The following KIAA0513 variants were observed in gnomAD, a reference collection of about 807,000 sequenced individuals.
KIAA0513 encodes uncharacterized protein KIAA0513.
A neutral mutation model predicts 56.5 loss-of-function variants in KIAA0513; 39 were observed. The ratio of observed to expected loss-of-function variants is 0.69; its 90% CI spans 0.53 to 0.90. The LOEUF (loss-of-function observed/expected upper bound fraction) is 0.90. Among genes scored for constraint, KIAA0513 ranks in the 40% least tolerant of loss-of-function variants. The pLI is 0.00. For synonymous variants in KIAA0513, 268 were observed against 215.6 expected (o/e 1.24, Z -2.13); for missense variants, 591 against 535.2 (o/e 1.10, Z -1.03).
Position 85,072,884 on chromosome 16 carries a change from C to T in KIAA0513, c.430-41C>T, listed in dbSNP as rs149544061. The T allele has an allele frequency of 4.3e-4, 684 of 1,591,868 alleles. 13 individuals are homozygous for T. In the East Asian group the frequency reaches 0.014, roughly 33 times the overall value. On this transcript the variant is annotated intron_variant, in intron 3 of 12. Coordinates refer to ENST00000683363, the MANE Select transcript of KIAA0513 (RefSeq NM_001388359.1). ...CAGCTTCACTGAGTGCTGCGTGTGT[C>T]GCCCTGAACCTCAATGATGTGTCTG...
chr16:85,088,352 G>A lies in KIAA0513; in HGVS notation c.*27G>A. On this transcript the variant is annotated 3_prime_UTR_variant, in exon 13 of 13. Coordinates refer to ENST00000683363, the MANE Select transcript of KIAA0513 (RefSeq NM_001388359.1). ...CCCCAGAGGTCGCACTCCGCAGGAG[G>A]ACTGAGGCCATGTGCCATTCTCCCG... The A allele has an allele frequency of 6.2e-7, 1 of 1,601,134 alleles. No individual in the cohort carries two copies. Among genetic ancestry groups the A allele is most frequent in the Non-Finnish European group, 8.5e-7 (1 of 1,175,122 alleles).
chr16:85,055,909 C>T (rs2073322394), intron 1 of KIAA0513, among the ~76,000 whole-genome samples: 1 of 152,226 alleles, frequency 6.6e-6, no homozygotes, highest in African/African-American at 2.4e-5. Context: ...CACTCAAACT[C>T]TAAGCTGGTG....
At chr16:85,062,662 T>G (rs2143986579) in intron 1 of KIAA0513, among the ~76,000 whole-genome samples, 1 of 152,288 alleles carries the variant, frequency 6.6e-6, no homozygotes, top group African/African-American at 2.4e-5. Context: ...TTTAAATTAG[T>G]TGCCAGTGTT....
At chr16:85,046,132 G>A (rs2073167734) in intron 1 of KIAA0513, among the ~76,000 whole-genome samples, 1 of 152,196 alleles carries the variant, frequency 6.6e-6, no homozygotes, top group Non-Finnish European at 1.5e-5. Flanking sequence ...CTGGCTGTTT[G>A]AGCTTTATAT....
intron 1 of KIAA0513, among the ~76,000 whole-genome samples, chr16:85,034,241 A>T (rs2143836913): frequency 6.6e-6 from 1 of 152,254 alleles, no homozygotes; most frequent in South Asian, 2.1e-4. Context: ...TTAGCCAGGC[A>T]TGGTTGTGGG....
chr16:85,049,791 C>T (rs2073223657), intron 1 of KIAA0513, among the ~76,000 whole-genome samples: 3 of 152,130 alleles, frequency 2.0e-5, no homozygotes, highest in South Asian at 4.1e-4. Context: ...TCGGGTATTT[C>T]GTTATAGCAG....
Position 85,077,646 on chromosome 16 carries a change from T to C in KIAA0513, c.782+14T>C. The stretch of plus-strand genomic sequence containing the variant: ...CAGGAGGAACGAGTACGTGTGGCCT[T>C]GGGGTCCCTCCCACCTGCAGGGGAC... On this transcript the variant is annotated intron_variant, in intron 6 of 12. Transcript: ENST00000683363. The C allele has an allele frequency of 1.3e-6, 2 of 1,586,968 alleles. No homozygotes were observed. Among genetic ancestry groups the C allele is most frequent in the Non-Finnish European group, 1.7e-6 (2 of 1,162,816 alleles).
Position 85,076,057 on chromosome 16 carries a change from A to G in KIAA0513, c.574+143A>G. 1.6e-6 allele frequency: 1 copy of G among 644,738 alleles called. No individual in the cohort carries two copies. The highest frequency in any genetic ancestry group is 2.8e-6 in the Non-Finnish European group (1 of 358,748). 39.9% of individuals were successfully genotyped at this position (644,738 alleles called of 1,614,324 possible). A position where few individuals can be genotyped will look rare whatever the true frequency, so the allele number is the denominator to read the frequency against. On this transcript the variant is annotated intron_variant, in intron 5 of 12. Transcript: ENST00000683363. The surrounding 1 kb of genome is among the most constrained non-coding windows in gnomAD (Gnocchi z 4.7). The stretch of plus-strand genomic sequence containing the variant: ...AGGAAGCTGATGTTAGGGAGGAGTG[A>G]GACTTCGGAGAAAACACAGTCCGAA...
At chr16:85,073,620 C>T (rs910140618) in intron 4 of KIAA0513, among the ~76,000 whole-genome samples, 4 of 152,226 alleles carry the variant, frequency 2.6e-5, no homozygotes, top group Non-Finnish European at 5.9e-5. Context: ...GGTCAACAGA[C>T]CAGCTTCATG....
Position 85,076,476 on chromosome 16 carries a change from C to T in KIAA0513, c.574+562C>T, listed in dbSNP as rs1359990540. ...CTCAAGGGCTTCCTGCGTGAGTCTC[C>T]TTGGGCTGCAGCAACAGGACTCATT... On this transcript the variant is annotated intron_variant, in intron 5 of 12. Transcript: ENST00000683363. This position sits in a 1 kb window ranked among gnomAD's most constrained non-coding sequence, Gnocchi z 4.7. Among the ~76,000 whole-genome samples, 1 of 152,164 alleles carries T rather than the reference C, an allele frequency of 6.6e-6. No individual in the cohort carries two copies. The highest frequency in any genetic ancestry group is 1.5e-5 in the Non-Finnish European group (1 of 68,016).
intron 1 of KIAA0513, among the ~76,000 whole-genome samples, chr16:85,053,719 G>GCCAC (rs745622767): frequency 3.9e-4 from 60 of 152,158 alleles, no homozygotes; most frequent in Admixed American, 1.2e-3. Context: ...AAGGCCAGGC[G>GCCAC]CGGTGGCTCA....
chr16:85,090,604 G>A lies in KIAA0513; in HGVS notation c.*2279G>A, dbSNP rs1038049395. The A allele has an allele frequency of 6.6e-6, 1 of 152,240 alleles. No individual in the cohort carries two copies. The highest frequency in any genetic ancestry group is 2.4e-5 in the African/African-American group (1 of 41,440). 9.4% of individuals were successfully genotyped at this position (152,240 alleles called of 1,614,324 possible). On this transcript the variant is annotated 3_prime_UTR_variant, in exon 13 of 13. Coordinates refer to ENST00000683363, the MANE Select transcript of KIAA0513 (RefSeq NM_001388359.1). ...GCCATTTCAGGGGAGGAAAGGGTTGGGGTTTTCTTTGTTTGTTTGTTTGTT... is the reference window on the plus strand; with the variant it reads ...GCCATTTCAGGGGAGGAAAGGGTTGAGGTTTTCTTTGTTTGTTTGTTTGTT...
At chr16:85,052,495 CAA>C (rs1304455460) in intron 1 of KIAA0513, among the ~76,000 whole-genome samples, 1 of 152,196 alleles carries the variant, frequency 6.6e-6, no homozygotes, top group Admixed American at 6.5e-5. Flanking sequence ...GCCTGGGCAA[CAA>C]GAGCAAAACC....
chr16:85,083,585 C>T (rs768152667), intron 10 of KIAA0513, among the ~76,000 whole-genome samples: 2 of 152,192 alleles, frequency 1.3e-5, no homozygotes, highest in Admixed American at 6.5e-5. Context: ...AGCATCCCAG[C>T]GTCCTCTGAG....
At chr16:85,073,074 G>A (rs533544357) in intron 4 of KIAA0513, 76 bp downstream of exon 4, 92 of 1,225,104 alleles carry the variant, frequency 7.5e-5, no homozygotes, top group Middle Eastern at 4.9e-4. Flanking sequence ...CCACCCAGCC[G>A]TGTCATAACC....
rs1030313516 is a variant in KIAA0513 at position 85,090,971 on chromosome 16, C to A, written c.*2646C>A. ...GACCCAGCCACACTGCTCAAAGGTC[C>A]CTGCGTGGGGAGGTGTCACACCAGG... is the stretch of plus-strand genomic sequence containing the variant. On this transcript the variant is annotated 3_prime_UTR_variant, in exon 13 of 13. Coordinates refer to ENST00000683363, the MANE Select transcript of KIAA0513 (RefSeq NM_001388359.1). 1 of 152,252 alleles carries A rather than the reference C, an allele frequency of 6.6e-6. No individual in the cohort carries two copies. Among genetic ancestry groups the A allele is most frequent in the Admixed American group, 6.5e-5 (1 of 15,280 alleles). 9.4% of individuals were successfully genotyped at this position (152,252 alleles called of 1,614,324 possible).
chr16:85,082,295 G>A (rs113807491), intron 9 of KIAA0513, among the ~76,000 whole-genome samples: 2 of 152,182 alleles, frequency 1.3e-5, no homozygotes, highest in Admixed American at 1.3e-4. Flanking sequence ...AGGGAAAGAC[G>A]CTGAGACTGC....
At chr16:85,078,729 C>A (rs1005266370) in intron 7 of KIAA0513, among the ~76,000 whole-genome samples, 196 bp from the exon 8 acceptor site, 2 of 152,262 alleles carry the variant, frequency 1.3e-5, no homozygotes, top group Non-Finnish European at 1.5e-5. Flanking sequence ...AACCATCCCT[C>A]AGAAGAAGTC....
intron 1 of KIAA0513, among the ~76,000 whole-genome samples, chr16:85,031,607 G>C (rs898422951): frequency 2.0e-5 from 3 of 152,156 alleles, no homozygotes; most frequent in African/African-American, 7.2e-5. Context: ...CAGCTTCATT[G>C]ACTGCTGCTG....
Sources: gnomAD v4.1 joint callset for allele counts (sites outside exome capture counted in the v4.1 genomes callset) on GRCh38, gnomAD v4.1.1 for gene constraint, Gnocchi (gnomAD v3.1) non-coding constraint, MANE v1.5 for transcripts, NCBI Gene and HGNC (gene_info 2026-07-23, HGNC 2026-07-21) for gene names.